Variants in IL1RAPL2 observed in about 807,000 individuals in gnomAD.
IL1RAPL2 encodes the protein X-linked interleukin-1 receptor accessory protein-like 2.
A neutral mutation model predicts 44.1 loss-of-function variants in IL1RAPL2; 3 were observed. The ratio of observed to expected loss-of-function variants is 0.07; its 90% confidence interval spans 0.03 to 0.18. IL1RAPL2 has a LOEUF of 0.18. Ranked by LOEUF, IL1RAPL2 falls within the 10% of genes least tolerant of loss-of-function variation. The pLI is 1.00. For synonymous variants in IL1RAPL2, 181 were observed against 178.8 expected (o/e 1.01, Z -0.10); for missense variants, 391 against 496.4 (o/e 0.79, Z 2.02).
chrX:105,312,211 G>T (rs2147682051), intron 5 of IL1RAPL2, among the ~76,000 whole-genome samples: 1 of 111,704 alleles, frequency 9.0e-6, no homozygotes, highest in Non-Finnish European at 1.9e-5. Context: ...TGGATGGAAA[G>T]AAAGGATTAT....
At chrX:105,115,754 C>T (rs149109317) in intron 2 of IL1RAPL2, among the ~76,000 whole-genome samples, 2,014 of 113,188 alleles carry the variant, frequency 0.018, 16 homozygotes, top group Non-Finnish European at 0.027. Context: ...CGCCTGCACT[C>T]CTCAGCCCTT....
intron 1 of IL1RAPL2, among the ~76,000 whole-genome samples, chrX:104,611,440 C>A (rs1163114287): frequency 9.0e-6 from 1 of 110,998 alleles, no homozygotes; most frequent in African/African-American, 3.3e-5. Flanking sequence ...GCTTTCTTTA[C>A]ACTGCAAGCA....
At chrX:105,081,530 C>T (rs150718271) in intron 2 of IL1RAPL2, among the ~76,000 whole-genome samples, 1 of 111,354 alleles carries the variant, frequency 9.0e-6, no homozygotes, top group Non-Finnish European at 1.9e-5. Context: ...TTGAATAATT[C>T]AAGAATTCTT....
intron 2 of IL1RAPL2, among the ~76,000 whole-genome samples, chrX:104,943,298 G>A (rs983408063): frequency 9.0e-6 from 1 of 111,009 alleles, no homozygotes; most frequent in African/African-American, 3.3e-5. Flanking sequence ...TCCATAATTT[G>A]TGTCTCTAGA....
At chrX:104,934,112 T>C (rs1924970933) in intron 2 of IL1RAPL2, among the ~76,000 whole-genome samples, 1 of 112,080 alleles carries the variant, frequency 8.9e-6, no homozygotes, top group Non-Finnish European at 1.9e-5. Context: ...CTGTAAAATG[T>C]AGGTGTTCAC....
intron 2 of IL1RAPL2, among the ~76,000 whole-genome samples, chrX:104,963,604 T>C (rs1227837512): frequency 1.8e-5 from 2 of 111,348 alleles, no homozygotes; most frequent in Non-Finnish European, 3.8e-5. Context: ...CCAAATAAAA[T>C]ATCACCAGTA....
intron 5 of IL1RAPL2, among the ~76,000 whole-genome samples, chrX:105,315,947 C>A (rs750224564): frequency 3.6e-5 from 4 of 109,660 alleles, no homozygotes; most frequent in African/African-American, 9.9e-5. Flanking sequence ...TAACACTGGG[C>A]AAATTAGTCT....
At chrX:104,709,904 T>C (rs1309814873) in intron 2 of IL1RAPL2, among the ~76,000 whole-genome samples, 2 of 110,729 alleles carry the variant, frequency 1.8e-5, no homozygotes, top group African/African-American at 6.5e-5. Context: ...CTCAACATCA[T>C]TAATCATGGA....
At chrX:104,660,193 C>G (rs762283097) in intron 2 of IL1RAPL2, among the ~76,000 whole-genome samples, 3 of 111,358 alleles carry the variant, frequency 2.7e-5, no homozygotes, top group Non-Finnish European at 5.7e-5. Flanking sequence ...TATTATCTCT[C>G]CAGCTCAGCA....
At chrX:105,639,768 C>T (rs771323524) in intron 6 of IL1RAPL2, among the ~76,000 whole-genome samples, 25 of 110,679 alleles carry the variant, frequency 2.3e-4, no homozygotes, top group Non-Finnish European at 4.2e-4. Context: ...TCCTTTCCTC[C>T]CTGCACCAAA....
chrX:105,600,477 ATTAT>A (rs1241081091), intron 6 of IL1RAPL2, among the ~76,000 whole-genome samples: 2 of 109,709 alleles, frequency 1.8e-5, no homozygotes, highest in Non-Finnish European at 3.8e-5. Context: ...AAACGAATTC[ATTAT>A]TTATTAATCT....
At chrX:104,697,207 C>T (rs750535165) in intron 2 of IL1RAPL2, among the ~76,000 whole-genome samples, 9 of 112,394 alleles carry the variant, frequency 8.0e-5, no homozygotes, top group African/African-American at 2.9e-4. Context: ...TTGCATGAGC[C>T]GGGATAATTT....
chrX:105,665,069 A>G (rs1244600698), intron 6 of IL1RAPL2, among the ~76,000 whole-genome samples: 1 of 112,255 alleles, frequency 8.9e-6, no homozygotes, highest in African/African-American at 3.2e-5. Flanking sequence ...TGCTAACTGA[A>G]TAAGTATGCT....
At chrX:105,118,742 G>A (rs1292865636) in intron 2 of IL1RAPL2, among the ~76,000 whole-genome samples, 1 of 111,965 alleles carries the variant, frequency 8.9e-6, no homozygotes, top group Non-Finnish European at 1.9e-5. Flanking sequence ...TTCCTGTTTG[G>A]GAAAACTCAT....
intron 2 of IL1RAPL2, among the ~76,000 whole-genome samples, chrX:105,076,027 T>C (rs1364810481): frequency 1.8e-5 from 2 of 111,776 alleles, no homozygotes; most frequent in Admixed American, 1.9e-4. Flanking sequence ...AAGGGTTTTT[T>C]GTGTCTCTAT....
intron 2 of IL1RAPL2, among the ~76,000 whole-genome samples, chrX:104,784,650 C>T (rs1483829916): frequency 1.8e-5 from 2 of 110,112 alleles, no homozygotes; most frequent in Non-Finnish European, 3.8e-5. Flanking sequence ...TTTCTGATCT[C>T]CTCCACTGAG....
chrX:104,693,561 A>G (rs1000359607), intron 2 of IL1RAPL2, among the ~76,000 whole-genome samples: 58 of 111,852 alleles, frequency 5.2e-4, no homozygotes, highest in African/African-American at 1.9e-3. Flanking sequence ...CATTTGCAGA[A>G]ACGGACTGCC....
intron 2 of IL1RAPL2, among the ~76,000 whole-genome samples, chrX:104,889,637 A>T (rs1923359821): frequency 9.0e-6 from 1 of 111,334 alleles, no homozygotes; most frequent in African/African-American, 3.3e-5. Context: ...GCACAGAGCC[A>T]TACAACTAAT....
chrX:105,045,089 T>C (rs2031819585), intron 2 of IL1RAPL2, among the ~76,000 whole-genome samples: 1 of 111,117 alleles, frequency 9.0e-6, no homozygotes, highest in East Asian at 2.9e-4. Flanking sequence ...TCAGAGAATT[T>C]GGTGATGAAT....
Sources: gnomAD v4.1 joint callset for allele counts (sites outside exome capture counted in the v4.1 genomes callset) on GRCh38, gnomAD v4.1.1 for gene constraint, MANE v1.5 for transcripts, NCBI Gene and HGNC (gene_info 2026-07-23, HGNC 2026-07-21) for gene names.